TJP2: variants seen among roughly 807,000 people sequenced by gnomAD.
TJP2 encodes tight junction protein 2.
In TJP2, 91 loss-of-function variants were observed where a neutral mutation model predicts 133.1. The observed-to-expected ratio is 0.68, with a 90% CI of 0.58 to 0.81. The LOEUF (loss-of-function observed/expected upper bound fraction) is 0.81, where lower values mean the gene tolerates loss of function less well. Among genes scored for constraint, TJP2 ranks in the 40% least tolerant of loss-of-function variants. The pLI is 0.00. For synonymous variants in TJP2, 592 were observed against 583.4 expected (o/e 1.01, Z -0.21); for missense variants, 1,541 against 1,565.6 (o/e 0.98, Z 0.26).
chr9:69,140,001 G>A (rs1312744361), intron 1 of TJP2, among the ~76,000 whole-genome samples: 4 of 152,168 alleles, frequency 2.6e-5, no homozygotes, highest in African/African-American at 9.7e-5. Context: ...TTGGGGGCAG[G>A]CTTAGATCAG....
At chr9:69,170,004 G>A (rs902088220), upstream of TJP2, among the ~76,000 whole-genome samples, 3 of 151,908 alleles carry the variant, frequency 2.0e-5, no homozygotes, top group African/African-American at 7.3e-5. Flanking sequence ...CCATGCCCAG[G>A]TAATTTTATT....
chr9:69,224,538 A>G (rs1829177794), intron 5 of TJP2, among the ~76,000 whole-genome samples: 1 of 152,104 alleles, frequency 6.6e-6, no homozygotes, highest in Non-Finnish European at 1.5e-5. Flanking sequence ...TTAGCTGGGC[A>G]TGGTGGTGGG....
At position 69,230,158 on chromosome 9, in the gene TJP2, A is replaced by G; in HGVS notation, c.1597A>G (p.Ile533Val). The change falls in exon 11 of 23, where the codon ATA becomes GTA. Residue 533 changes from isoleucine to valine, a missense_variant. By Grantham distance (29) the Ile-to-Val change is conservative. Transcript: ENST00000377245. ...LRLAGGNDVG[I>V]FVAGIQEGTS... ...GTTGGCTGGTGGCAATGATGTCGGG[A>G]TATTTGTTGCTGGCATTCAAGAAGG... The G allele has an allele frequency of 1.9e-6, 3 of 1,614,140 alleles. No homozygotes were observed. Among genetic ancestry groups the G allele is most frequent in the Non-Finnish European group, 1.7e-6 (2 of 1,180,022 alleles).
At chr9:69,206,574 T>A (rs181113443) in intron 1 of TJP2, among the ~76,000 whole-genome samples, 423 of 151,196 alleles carry the variant, frequency 2.8e-3, no homozygotes, top group African/African-American at 9.8e-3. Context: ...TATTTATTTA[T>A]TTAATTTTTT....
Position 69,203,607 on chromosome 9 carries a change from ATTTTTTTTTT to A in TJP2, c.61-8926_61-8917del, listed in dbSNP as rs754221310. Among the ~76,000 whole-genome samples, 8 of 67,858 alleles carry A rather than the reference ATTTTTTTTTT, an allele frequency of 1.2e-4. No individual in the cohort carries two copies. The East Asian group carries it at 1.9e-3, about 16-fold the overall frequency. The allele number at this position is 67,858 out of a possible 152,430, so 44.5% of individuals were successfully genotyped here. Reference sequence around the variant, plus strand: ...GCATGAGCCACGGTGCCCAGCCTGGATTTTTTTTTTTTTTTTTTTTTTTTGAGACAGGGTC... The same window carrying A: ...GCATGAGCCACGGTGCCCAGCCTGGATTTTTTTTTTTTTTGAGACAGGGTC... On this transcript the variant is annotated intron_variant, in intron 1 of 22. Coordinates refer to ENST00000377245, the MANE Select transcript of TJP2 (RefSeq NM_004817.4).
chr9:69,246,534 T>C, intron 17 of TJP2, 156 bp from the exon 18 acceptor site: 1 of 705,082 alleles, frequency 1.4e-6, no homozygotes, highest in South Asian at 1.5e-5. Flanking sequence ...ATTGCATTCA[T>C]TAAAAGGGTT....
intron 1 of TJP2, among the ~76,000 whole-genome samples, chr9:69,211,900 G>A (rs997082187): frequency 6.6e-6 from 1 of 151,978 alleles, no homozygotes; most frequent in East Asian, 1.9e-4. Flanking sequence ...AGTGTTCTTG[G>A]CATTTCTAGC....
At chr9:69,137,299 CT>C (rs368468840) in intron 1 of TJP2, among the ~76,000 whole-genome samples, 6,105 of 84,886 alleles carry the variant, frequency 0.072, 255 homozygotes, top group East Asian at 0.11. Context: ...TTCTTTCTTT[CT>C]TTTCTTTTCT....
At chr9:69,195,174 T>G (rs1490675082) in intron 1 of TJP2, among the ~76,000 whole-genome samples, 1 of 152,206 alleles carries the variant, frequency 6.6e-6, no homozygotes, top group Non-Finnish European at 1.5e-5. Flanking sequence ...GTGCCTATTA[T>G]GGGGGTGGTG....
chr9:69,234,310 A>C, intron 11 of TJP2, 129 bp from the exon 12 acceptor site: 22 of 727,726 alleles, frequency 3.0e-5, no homozygotes, highest in Non-Finnish European at 4.2e-5. Context: ...TTTGCTCTGG[A>C]CAGGCCCTGA....
At chr9:69,126,886 A>T (rs1336632135) in intron 1 of TJP2, among the ~76,000 whole-genome samples, 1 of 76,630 alleles carries the variant, frequency 1.3e-5, no homozygotes, top group East Asian at 4.0e-4. Flanking sequence ...CTACAATTCA[A>T]TGTCTTTTAG....
At chr9:69,132,159 G>C (rs1280061030) in intron 1 of TJP2, among the ~76,000 whole-genome samples, 1 of 152,182 alleles carries the variant, frequency 6.6e-6, no homozygotes, top group Non-Finnish European at 1.5e-5. Context: ...TTTTTACTGG[G>C]GGATTGTTAC....
intron 1 of TJP2, among the ~76,000 whole-genome samples, chr9:69,137,925 A>G (rs895903024): frequency 1.3e-5 from 2 of 152,104 alleles, no homozygotes; most frequent in South Asian, 4.1e-4. Context: ...CAGACATCTT[A>G]AGATGCCCCT....
At position 69,221,049 on chromosome 9, in the gene TJP2, C is replaced by T. The variant is rs1828786068; in HGVS notation, c.505C>T (p.Arg169Cys). The stretch of plus-strand genomic sequence containing the variant: ...GCTGAACAGCCATGGGGGGCGCAGC[C>T]GCAGCTGGGAGGACAGCCCGGAAAG... ...SRLNSHGGRS[R>C]SWEDSPERGR... The change falls in exon 5 of 23, where the codon CGC (arginine) becomes TGC (cysteine). Residue 169 changes from arginine (R) to cysteine (C), a missense_variant. Physicochemically the swap from Arg to Cys is radical, Grantham distance 180. Transcript: ENST00000377245. 6.2e-7 allele frequency: 1 copy of T among 1,604,524 alleles called. No homozygotes were observed. Among genetic ancestry groups the T allele is most frequent in the Non-Finnish European group, 8.5e-7 (1 of 1,176,252 alleles).
intron 11 of TJP2, among the ~76,000 whole-genome samples, chr9:69,231,695 G>A (rs575174095): frequency 6.6e-6 from 1 of 152,240 alleles, no homozygotes; most frequent in South Asian, 2.1e-4. Context: ...CTTTGCAAAA[G>A]CTTTTCAGTG....
chr9:69,174,346 C>G lies in TJP2; in HGVS notation c.-27C>G. On this transcript the variant is annotated 5_prime_UTR_variant, in exon 1 of 23. Transcript: ENST00000377245. The stretch of plus-strand genomic sequence containing the variant: ...GAAGCAGAAGCGGGGTCCGGAGCTG[C>G]GCGCCTACGCGGGACCTGTGTCCGA... 1.3e-6 allele frequency: 2 copies of G among 1,551,162 alleles called. No individual in the cohort carries two copies. Among genetic ancestry groups the G allele is most frequent in the Non-Finnish European group, 1.7e-6 (2 of 1,146,866 alleles).
chr9:69,122,436 T>C (rs1452635919), intron 1 of TJP2, among the ~76,000 whole-genome samples: 1 of 152,204 alleles, frequency 6.6e-6, no homozygotes, highest in Non-Finnish European at 1.5e-5. Context: ...AACGGGGATC[T>C]CCTCCGCCTA....
In TJP2 at chr9:69,230,071, A is replaced by G. The variant is rs1829653531; in HGVS notation, c.1521-11A>G. ...TCCCATCTTTCCTTTCTGAAACGGA[A>G]CCTATTGCAGCCCTAATACCAAAAT... On this transcript the variant is annotated splice_polypyrimidine_tract_variant and intron_variant, in intron 10 of 22. Transcript: ENST00000377245. The G allele has an allele frequency of 1.2e-6, 2 of 1,613,976 alleles. No homozygotes were observed. Among genetic ancestry groups the G allele is most frequent in the Middle Eastern group, 1.7e-4 (1 of 6,060 alleles).
chr9:69,176,555 C>A (rs1825107723), intron 1 of TJP2, among the ~76,000 whole-genome samples: 3 of 152,192 alleles, frequency 2.0e-5, no homozygotes, highest in Admixed American at 2.0e-4. Flanking sequence ...ACTTTCCCTA[C>A]AAAAGAAGCG....
Sources: allele counts gnomAD v4.1 joint callset (sites outside exome capture counted in the v4.1 genomes callset), GRCh38; gene constraint gnomAD v4.1.1; transcripts MANE v1.5; gene names NCBI Gene and HGNC (gene_info 2026-07-23, HGNC 2026-07-21).